ETV6: variants seen among roughly 807,000 people sequenced by gnomAD.
ETV6 encodes transcription factor ETV6.
ETV6 carries 16 observed loss-of-function variants against 51.1 expected under a neutral mutation model. The observed-to-expected ratio is 0.31, with a 90% CI of 0.21 to 0.48. The LOEUF is 0.48. ETV6 is among the 20% of genes least tolerant of loss of function. ETV6 has a pLI of 0.99. For missense variants in ETV6, 458 were observed against 594.8 expected (o/e 0.77, Z 2.39); for synonymous variants, 240 against 224.1 (o/e 1.07, Z -0.64).
intron 1 of ETV6, among the ~76,000 whole-genome samples, chr12:11,669,839 T>C (rs74062357): frequency 0.15 from 23,033 of 152,144 alleles, 5,754 homozygotes; most frequent in African/African-American, 0.52. Flanking sequence ...CAGCACGTAA[T>C]GTCTGGCCTG....
intron 1 of ETV6, among the ~76,000 whole-genome samples, chr12:11,650,387 C>A (rs1176184431): frequency 6.7e-6 from 1 of 148,772 alleles, no homozygotes; most frequent in East Asian, 2.0e-4. Context: ...GGCCCCCACC[C>A]CCTTGCTTTT....
intron 1 of ETV6, among the ~76,000 whole-genome samples, chr12:11,663,371 G>T (rs1407643180): frequency 6.6e-6 from 1 of 152,208 alleles, no homozygotes; most frequent in Non-Finnish European, 1.5e-5. Context: ...GGCCTATCTG[G>T]AGTGGCTTGT....
chr12:11,785,519 G>A (rs1331043611), intron 2 of ETV6, among the ~76,000 whole-genome samples: 1 of 152,186 alleles, frequency 6.6e-6, no homozygotes, highest in East Asian at 1.9e-4. Flanking sequence ...TGTCCCTGAT[G>A]CCTAGAACAA....
intron 1 of ETV6, among the ~76,000 whole-genome samples, chr12:11,744,174 G>A (rs986991373): frequency 2.6e-5 from 4 of 152,210 alleles, no homozygotes; most frequent in Non-Finnish European, 5.9e-5. Flanking sequence ...AGATTGAGAA[G>A]CGCTGTCTAA....
intron 3 of ETV6, among the ~76,000 whole-genome samples, chr12:11,843,230 G>A (rs1367543788): frequency 1.3e-5 from 2 of 152,228 alleles, no homozygotes; most frequent in South Asian, 2.1e-4. Context: ...AGACCCATCT[G>A]ATGAAGGGGT....
chr12:11,799,749 G>A (rs1945721182), intron 2 of ETV6, among the ~76,000 whole-genome samples: 2 of 152,150 alleles, frequency 1.3e-5, no homozygotes, highest in Non-Finnish European at 2.9e-5. Flanking sequence ...AGTGCCTGAT[G>A]TGTGTGCGTG....
At chr12:11,756,228 G>T (rs1434823688) in intron 2 of ETV6, among the ~76,000 whole-genome samples, 2 of 152,134 alleles carry the variant, frequency 1.3e-5, no homozygotes, top group African/African-American at 2.4e-5. Flanking sequence ...CAAGAGGAGA[G>T]CCCAGGGAAG....
chr12:11,885,230 C>T (rs1335737580), intron 6 of ETV6, among the ~76,000 whole-genome samples: 1 of 152,202 alleles, frequency 6.6e-6, no homozygotes, highest in African/African-American at 2.4e-5. Flanking sequence ...CATGGTGGCA[C>T]AACCCCAATC....
intron 1 of ETV6, among the ~76,000 whole-genome samples, chr12:11,716,135 T>C (rs141161503): frequency 0.053 from 8,035 of 151,396 alleles, 668 homozygotes; most frequent in African/African-American, 0.18. Context: ...CCGAGGCGGG[T>C]GGATCACGAG....
intron 1 of ETV6, among the ~76,000 whole-genome samples, chr12:11,706,492 G>A (rs1262427691): frequency 6.6e-6 from 1 of 152,228 alleles, no homozygotes; most frequent in East Asian, 1.9e-4. Context: ...TTTAGAGGCT[G>A]CTGTCTGTTT....
intron 1 of ETV6, among the ~76,000 whole-genome samples, chr12:11,662,423 T>TG (rs1864116726): frequency 6.6e-6 from 1 of 152,228 alleles, no homozygotes; most frequent in Non-Finnish European, 1.5e-5. Context: ...TTCTCTGTCT[T>TG]GAAAAACTTG....
intron 2 of ETV6, among the ~76,000 whole-genome samples, chr12:11,825,924 C>A (rs1345973887): frequency 6.6e-6 from 1 of 151,050 alleles, no homozygotes; most frequent in South Asian, 2.1e-4. Context: ...TGCAGCCACT[C>A]CTAGGCTGAA....
intron 1 of ETV6, among the ~76,000 whole-genome samples, chr12:11,746,360 A>G (rs1865908047): frequency 6.6e-6 from 1 of 152,226 alleles, no homozygotes; most frequent in Non-Finnish European, 1.5e-5. Flanking sequence ...TTTTCAAGTC[A>G]GTTTCCTCAT....
intron 2 of ETV6, chr12:11,825,689 TC>T (rs1946143581): frequency 6.6e-6 from 1 of 152,228 alleles, no homozygotes; most frequent in African/African-American, 2.4e-5. Context: ...CAGCCAACAT[TC>T]AGCCATCTCC....
chr12:11,809,698 G>A (rs1945883455), intron 2 of ETV6, among the ~76,000 whole-genome samples: 1 of 151,728 alleles, frequency 6.6e-6, no homozygotes, highest in Non-Finnish European at 1.5e-5. Flanking sequence ...GTCTGCAGGT[G>A]TCCCTTAATC....
rs575198383 is a variant in ETV6, at chr12:11,890,116, T to C, written c.1254-825T>C. ...ATTTTGGGTGAATCAGTGATAACAT[T>C]GTAAAAGATTTTTTTTTTTTTTTTT... is the stretch of plus-strand genomic sequence containing the variant. On this transcript the variant is annotated intron_variant, in intron 7 of 7. Coordinates refer to ENST00000396373, the MANE Select transcript of ETV6 (RefSeq NM_001987.5). Among the ~76,000 whole-genome samples, 115 of 145,692 alleles carry C rather than the reference T, an allele frequency of 7.9e-4. 1 individual carries two copies. Among genetic ancestry groups the C allele is most frequent in the African/African-American group, 2.8e-3 (111 of 38,958 alleles).
chr12:11,883,276 C>CTTCTTTTTTT (rs776231778), intron 5 of ETV6, among the ~76,000 whole-genome samples: 9 of 79,114 alleles, frequency 1.1e-4, no homozygotes, highest in African/African-American at 5.2e-4. Flanking sequence ...ATGTCTTCTT[C>CTTCTTTTTTT]TTTTTTTTTT....
intron 2 of ETV6, among the ~76,000 whole-genome samples, chr12:11,800,820 G>A (rs1945737536): frequency 2.0e-5 from 3 of 152,104 alleles, no homozygotes; most frequent in African/African-American, 7.2e-5. Context: ...CTGTAATCCA[G>A]CTAATAGGGA....
chr12:11,875,926 C>T (rs940215228), intron 5 of ETV6, among the ~76,000 whole-genome samples: 52 of 152,158 alleles, frequency 3.4e-4, no homozygotes, highest in Non-Finnish European at 1.6e-4. Flanking sequence ...GCCAGCAACA[C>T]CTAAAACATT....
Sources: gnomAD v4.1 joint callset for allele counts (sites outside exome capture counted in the v4.1 genomes callset) on GRCh38, gnomAD v4.1.1 for gene constraint, MANE v1.5 for transcripts, NCBI Gene and HGNC (gene_info 2026-07-23, HGNC 2026-07-21) for gene names.